MYO16: variants seen among roughly 807,000 people sequenced by gnomAD.
MYO16 encodes myosin XVI, also known as unconventional myosin-XVI.
MYO16 carries 94 observed loss-of-function variants against 205.3 expected under a neutral mutation model. The observed-to-expected ratio is 0.46, with a 90% CI of 0.39 to 0.54. MYO16 has a LOEUF of 0.54. Among genes scored for constraint, MYO16 ranks in the 20% least tolerant of loss-of-function variants. MYO16 has a pLI of 0.00. For missense variants in MYO16, 2,315 were observed against 2,387.5 expected, an observed-to-expected ratio of 0.97 and a Z score of 0.63; for synonymous variants, 988 against 954.0, an observed-to-expected ratio of 1.04 and a Z score of -0.66.
In MYO16 at chr13:108,689,988, A is replaced by T. The variant is rs115182211; in HGVS notation, c.293-22673A>T. Reference sequence around the variant, plus strand: ...GTTATTTTGCCAAATGTATATATGAACCAGCTCTCATCTGATGTCCCACTA... The same window carrying T: ...GTTATTTTGCCAAATGTATATATGATCCAGCTCTCATCTGATGTCCCACTA... On this transcript the variant is annotated intron_variant, in intron 2 of 34. Coordinates refer to ENST00000457511, the MANE Select transcript of MYO16 (RefSeq NM_001198950.3). 1.6e-3 allele frequency among the ~76,000 whole-genome samples: 237 copies of T among 152,308 alleles called. 2 individuals are homozygous for T. Among genetic ancestry groups the T allele is most frequent in the African/African-American group, 5.1e-3 (212 of 41,570 alleles).
chr13:108,937,046 A>G (rs1882521232), intron 16 of MYO16, among the ~76,000 whole-genome samples: 1 of 152,162 alleles, frequency 6.6e-6, no homozygotes, highest in Non-Finnish European at 1.5e-5. Flanking sequence ...GCCTATGTGT[A>G]ATGAATTCCC....
At chr13:108,557,531 G>C in the MYO16 span, among the ~76,000 whole-genome samples, 1 of 152,106 alleles carries the variant, frequency 6.6e-6, no homozygotes, top group Non-Finnish European at 1.5e-5. Flanking sequence ...GTATGAGATA[G>C]ACTTTGATAC....
intron 28 of MYO16, among the ~76,000 whole-genome samples, chr13:109,103,466 A>G (rs895268446): frequency 6.6e-6 from 1 of 152,212 alleles, no homozygotes; most frequent in Non-Finnish European, 1.5e-5. Context: ...ACTCTTTTCC[A>G]TATTTTTAAA....
intron 10 of MYO16, among the ~76,000 whole-genome samples, chr13:108,849,093 C>A (rs778160027): frequency 3.9e-5 from 6 of 152,156 alleles, no homozygotes; most frequent in Non-Finnish European, 8.8e-5. Flanking sequence ...TGGGTGGAAG[C>A]CTTGGGAAGC....
At chr13:108,584,016 C>T in the MYO16 span, among the ~76,000 whole-genome samples, 2 of 152,122 alleles carry the variant, frequency 1.3e-5, no homozygotes, top group East Asian at 1.9e-4. Flanking sequence ...TGCAGTGGCA[C>T]GATCTTGGCT....
intron 22 of MYO16, among the ~76,000 whole-genome samples, chr13:109,010,542 G>A (rs1308726004): frequency 6.6e-6 from 1 of 152,048 alleles, no homozygotes; most frequent in Non-Finnish European, 1.5e-5. Flanking sequence ...ACTGATTTGG[G>A]GCCCTGTCTT....
chr13:108,970,661 G>C (rs1286109399), intron 20 of MYO16, among the ~76,000 whole-genome samples: 1 of 152,172 alleles, frequency 6.6e-6, no homozygotes, highest in African/African-American at 2.4e-5. Context: ...CACGAACATG[G>C]CTGTCACTGA....
At chr13:109,104,210 A>G (rs796658696) in intron 28 of MYO16, among the ~76,000 whole-genome samples, 4 of 152,190 alleles carry the variant, frequency 2.6e-5, no homozygotes, top group East Asian at 1.9e-4. Flanking sequence ...TGTATCTTCT[A>G]ATATAACTAT....
At chr13:109,176,551 G>C (rs540511202) in intron 33 of MYO16, among the ~76,000 whole-genome samples, 1 of 99,056 alleles carries the variant, frequency 1.0e-5, no homozygotes, top group African/African-American at 4.4e-5. Flanking sequence ...CTTCTAATAC[G>C]GCAGCTAAAT....
intron 1 of MYO16, among the ~76,000 whole-genome samples, chr13:108,652,762 T>A (rs1881068007): frequency 6.6e-6 from 1 of 152,244 alleles, no homozygotes; most frequent in Non-Finnish European, 1.5e-5. Context: ...AATATTCCAT[T>A]ATACATGTAT....
In MYO16 at chr13:109,055,159, T is replaced by G; in HGVS notation, c.3129+33T>G. ...ACGTTTTCAGATTTCAAAAACTTAA[T>G]GTATGTTTATAGCAACTAAAGAGGG... On this transcript the variant is annotated intron_variant, in intron 26 of 34. Coordinates refer to ENST00000457511, the MANE Select transcript of MYO16 (RefSeq NM_001198950.3). The surrounding 1 kb of genome is among the most constrained non-coding windows in gnomAD (Gnocchi z 5.0). 1 of 1,491,634 alleles carries G rather than the reference T, an allele frequency of 6.7e-7. No homozygotes were observed. 92.4% of individuals were successfully genotyped at this position (1,491,634 alleles called of 1,614,324 possible).
At chr13:108,631,602 C>A (rs917287946) in intron 1 of MYO16, among the ~76,000 whole-genome samples, 1 of 152,078 alleles carries the variant, frequency 6.6e-6, no homozygotes, top group Admixed American at 6.6e-5. Flanking sequence ...GCTTTCTAAG[C>A]TTTGAGTGTG....
intron 34 of MYO16, among the ~76,000 whole-genome samples, chr13:109,205,282 A>G (rs1880552372): frequency 6.6e-6 from 1 of 152,128 alleles, no homozygotes; most frequent in African/African-American, 2.4e-5. Context: ...TGTAAACATC[A>G]TCTCCTTGAT....
intron 21 of MYO16, among the ~76,000 whole-genome samples, chr13:108,998,541 C>CTACATTATATA (rs1885111048): frequency 6.6e-6 from 1 of 152,044 alleles, no homozygotes; most frequent in African/African-American, 2.4e-5. Flanking sequence ...TTTAGTGTTC[C>CTACATTATATA]AGCATTTATG....
chr13:108,503,844 C>T, the MYO16 span, among the ~76,000 whole-genome samples: 41 of 151,964 alleles, frequency 2.7e-4, no homozygotes, highest in Admixed American at 2.2e-3. Context: ...AACCTGATGA[C>T]CTAGTATTTA....
intron 2 of MYO16, 26 bp from the exon 3 acceptor site, chr13:108,712,635 T>C (rs762590635): frequency 1.9e-6 from 3 of 1,605,534 alleles, no homozygotes; most frequent in Admixed American, 1.7e-5. Context: ...TCTCTGTAAC[T>C]CCATTCTCCT....
intron 20 of MYO16, among the ~76,000 whole-genome samples, chr13:108,990,147 T>C (rs1461868773): frequency 2.7e-5 from 4 of 148,396 alleles, no homozygotes; most frequent in Non-Finnish European, 6.0e-5. Flanking sequence ...ACACAGACAA[T>C]ACACACACAC....
At chr13:108,988,354 C>CATGTT (rs1318064428) in intron 20 of MYO16, among the ~76,000 whole-genome samples, 13 of 152,082 alleles carry the variant, frequency 8.5e-5, no homozygotes, top group Non-Finnish European at 1.6e-4. Flanking sequence ...TTTAAATGAT[C>CATGTT]ATGTTATGCC....
the MYO16 span, among the ~76,000 whole-genome samples, chr13:108,558,885 A>G: frequency 2.0e-5 from 3 of 151,934 alleles, no homozygotes; most frequent in Admixed American, 6.6e-5. Flanking sequence ...TCAAAAACCC[A>G]CTATTTTTGT....
Sources: allele counts gnomAD v4.1 joint callset (sites outside exome capture counted in the v4.1 genomes callset), GRCh38; gene constraint gnomAD v4.1.1; non-coding constraint Gnocchi (gnomAD v3.1); transcripts MANE v1.5; gene names NCBI Gene and HGNC (gene_info 2026-07-23, HGNC 2026-07-21).